WASF2: variants seen among roughly 807,000 people sequenced by gnomAD.
WASF2 encodes the protein actin-binding protein WASF2.
WASF2 carries 14 observed loss-of-function variants against 45.0 expected under a neutral mutation model. The observed-to-expected ratio is 0.31, with a 90% CI of 0.21 to 0.49. WASF2 has a LOEUF of 0.49. Among genes scored for constraint, WASF2 ranks in the 20% least tolerant of loss-of-function variants. The pLI is 0.99. For synonymous variants in WASF2, 200 were observed against 236.3 expected, an observed-to-expected ratio of 0.85 and a Z score of 1.41; for missense variants, 439 against 636.1, an observed-to-expected ratio of 0.69 and a Z score of 3.33.
At chr1:27,418,477 C>T in intron 3 of WASF2, 55 bp from the exon 4 acceptor site, 2 of 1,612,022 alleles carry the variant, frequency 1.2e-6, no homozygotes, top group Non-Finnish European at 1.7e-6. Context: ...TGAGCAAACA[C>T]TGAGTCACAC....
intron 1 of WASF2, among the ~76,000 whole-genome samples, chr1:27,448,914 T>G (rs1484865334): frequency 1.3e-5 from 2 of 151,496 alleles, no homozygotes; most frequent in Non-Finnish European, 2.9e-5. Flanking sequence ...CCTGTCACAT[T>G]CTCATACACA....
intron 1 of WASF2, among the ~76,000 whole-genome samples, 191 bp downstream of exon 1, chr1:27,489,795 A>ACTCC (rs1367120186): frequency 1.3e-5 from 2 of 151,914 alleles, no homozygotes; most frequent in Non-Finnish European, 2.9e-5. Flanking sequence ...ACTTCGGGTC[A>ACTCC]CTCCCTCCCT....
intron 1 of WASF2, among the ~76,000 whole-genome samples, chr1:27,483,070 C>G (rs2017874110): frequency 6.6e-6 from 1 of 152,198 alleles, no homozygotes; most frequent in African/African-American, 2.4e-5. Context: ...ATTAGTATCT[C>G]ACGCCTGTAA....
chr1:27,449,679 T>C (rs2017357617), intron 1 of WASF2, among the ~76,000 whole-genome samples: 3 of 152,050 alleles, frequency 2.0e-5, no homozygotes, highest in Middle Eastern at 3.4e-3. Context: ...AAGATAAGGA[T>C]AAGGAGGGTG....
intron 1 of WASF2, among the ~76,000 whole-genome samples, chr1:27,465,515 CA>C (rs779835768): frequency 3.4e-4 from 52 of 152,238 alleles, no homozygotes; most frequent in Non-Finnish European, 7.2e-4. Context: ...GGTTTTCCCC[CA>C]ATTAGCCCAA....
chr1:27,471,071 G>A (rs982924942), intron 1 of WASF2, among the ~76,000 whole-genome samples: 7 of 152,092 alleles, frequency 4.6e-5, no homozygotes, highest in East Asian at 1.9e-4. Flanking sequence ...TGGGCCGGGC[G>A]CGGTGGCTCA....
At chr1:27,418,192 A>T in intron 4 of WASF2, 77 bp downstream of exon 4, 1 of 1,487,078 alleles carries the variant, frequency 6.7e-7, no homozygotes, top group Non-Finnish European at 9.0e-7. Flanking sequence ...TCTGATGGAA[A>T]CAACCGCTTC....
chr1:27,483,543 G>A lies in WASF2; in HGVS notation c.-44+6443C>T, dbSNP rs1168442207. 3.9e-5 allele frequency among the ~76,000 whole-genome samples: 6 copies of A among 152,238 alleles called. No homozygotes were observed. In the South Asian group the frequency reaches 1.0e-3, roughly 26 times the overall value. On this transcript the variant is annotated intron_variant, in intron 1 of 8. Coordinates refer to ENST00000618852, the MANE Select transcript of WASF2 (RefSeq NM_006990.5). ...CCCAGCTGCTACTAGGTAAGGCTGA[G>A]GCAGTAGAATCCCTTGAACCCAGGA...
intron 1 of WASF2, among the ~76,000 whole-genome samples, chr1:27,487,596 T>TATATAATATATATTATATATATTTTATAC (rs1557626565): frequency 2.4e-4 from 19 of 78,190 alleles, no homozygotes; most frequent in African/African-American, 1.0e-3. Context: ...ATATTTTATA[T>TATATAATATATATTATATATATTTTATAC]AATATATAAT....
At chr1:27,441,190 T>G (rs772715850) in intron 1 of WASF2, among the ~76,000 whole-genome samples, 10 of 152,044 alleles carry the variant, frequency 6.6e-5, no homozygotes, top group Admixed American at 2.0e-4. Flanking sequence ...TTAGTTATGT[T>G]TGGATATACA....
chr1:27,421,034 C>G (rs987282789), intron 2 of WASF2, among the ~76,000 whole-genome samples: 15 of 152,176 alleles, frequency 9.9e-5, no homozygotes, highest in African/African-American at 3.4e-4. Flanking sequence ...CCCAGTACAA[C>G]CTGAAGAGTG....
At chr1:27,420,582 C>T (rs750275435) in intron 2 of WASF2, among the ~76,000 whole-genome samples, 23 of 134,840 alleles carry the variant, frequency 1.7e-4, no homozygotes, top group Non-Finnish European at 2.3e-4. Context: ...TGCAGTGGCA[C>T]GCAATCTCAG....
rs951452390 is a variant in WASF2, at chr1:27,462,622, T to G, written c.-44+27364A>C. 2.0e-5 allele frequency among the ~76,000 whole-genome samples: 3 copies of G among 152,264 alleles called. No homozygotes were observed. The East Asian group carries it at 5.8e-4, about 29-fold the overall frequency. ...TACCCTTCCCTACTAATGCTCTTTA[T>G]GGAAAATTTTTCCCTCAACCCAGAA... is the stretch of plus-strand genomic sequence containing the variant. On this transcript the variant is annotated intron_variant, in intron 1 of 8. Coordinates refer to ENST00000618852, the MANE Select transcript of WASF2 (RefSeq NM_006990.5).
chr1:27,462,265 C>T (rs980354533), intron 1 of WASF2, among the ~76,000 whole-genome samples: 5 of 152,082 alleles, frequency 3.3e-5, no homozygotes, highest in South Asian at 2.1e-4. Flanking sequence ...TGTGAGCCAC[C>T]GTGCCTGGCC....
At chr1:27,418,049 T>C (rs1033171023) in intron 4 of WASF2, among the ~76,000 whole-genome samples, 1 of 152,252 alleles carries the variant, frequency 6.6e-6, no homozygotes. Context: ...ACTTTCAATA[T>C]GTATTATATT....
chr1:27,431,776 G>A (rs2017065584), intron 1 of WASF2, among the ~76,000 whole-genome samples: 1 of 152,118 alleles, frequency 6.6e-6, no homozygotes, highest in South Asian at 2.1e-4. Flanking sequence ...AAGTGCCTTG[G>A]ATAAGCAGAA....
In WASF2 at chr1:27,410,770, C is replaced by A. The variant is rs2016751171; in HGVS notation, c.825-564G>T. 6.6e-6 allele frequency among the ~76,000 whole-genome samples: 1 copy of A among 152,220 alleles called. No individual in the cohort carries two copies. The highest frequency in any genetic ancestry group is 2.4e-5 in the African/African-American group (1 of 41,456). ...GATTTAGGTGAATGCATCTTCAGTGCTCATGTGGGGAAATCTTGAGAGAGA... is the reference window on the plus strand; with the variant it reads ...GATTTAGGTGAATGCATCTTCAGTGATCATGTGGGGAAATCTTGAGAGAGA... On this transcript the variant is annotated intron_variant, in intron 7 of 8. Transcript: ENST00000618852. The surrounding 1 kb of genome is among the most constrained non-coding windows in gnomAD (Gnocchi z 4.2).
intron 1 of WASF2, among the ~76,000 whole-genome samples, chr1:27,437,291 C>G (rs769229450): frequency 1.2e-4 from 19 of 152,176 alleles, no homozygotes; most frequent in Non-Finnish European, 2.2e-4. Flanking sequence ...CAGGATCCAT[C>G]TGGTTGTCCA....
intron 1 of WASF2, among the ~76,000 whole-genome samples, chr1:27,477,715 C>T (rs1571165100): frequency 2.7e-5 from 3 of 110,938 alleles, no homozygotes; most frequent in African/African-American, 4.7e-5. Context: ...CCGGCTAAAA[C>T]GGTGAAACCC....
Sources: gnomAD v4.1 joint callset for allele counts (sites outside exome capture counted in the v4.1 genomes callset) on GRCh38, gnomAD v4.1.1 for gene constraint, Gnocchi (gnomAD v3.1) non-coding constraint, MANE v1.5 for transcripts, NCBI Gene and HGNC (gene_info 2026-07-23, HGNC 2026-07-21) for gene names.